ANKH: variants seen among roughly 807,000 people sequenced by gnomAD.
The protein encoded by ANKH is ANKH inorganic pyrophosphate transport regulator.
In ANKH, 15 loss-of-function variants were observed where a neutral mutation model predicts 49.0. That is an observed-to-expected ratio of 0.31 (90% CI 0.20 to 0.47). The LOEUF (loss-of-function observed/expected upper bound fraction) is 0.47. Among genes scored for constraint, ANKH ranks in the 20% least tolerant of loss-of-function variants. The pLI, the probability that ANKH is intolerant of heterozygous loss-of-function variation, is 1.00. For missense variants in ANKH, 429 were observed against 652.0 expected (o/e 0.66, Z 3.72); for synonymous variants, 273 against 260.0 (o/e 1.05, Z -0.48).
chr5:14,839,646 ACTAC>A (rs1741761663), intron 1 of ANKH, among the ~76,000 whole-genome samples: 1 of 152,212 alleles, frequency 6.6e-6, no homozygotes, highest in Non-Finnish European at 1.5e-5. Flanking sequence ...TGAAATCAAG[ACTAC>A]CAAAGCTCAA....
At chr5:14,805,363 C>T (rs1049999756) in intron 1 of ANKH, among the ~76,000 whole-genome samples, 29 of 147,588 alleles carry the variant, frequency 2.0e-4, no homozygotes, top group Non-Finnish European at 9.0e-5. Flanking sequence ...ACTTAATAAA[C>T]TCCCCTATAT....
At chr5:14,858,815 A>C (rs926160905) in intron 1 of ANKH, among the ~76,000 whole-genome samples, 12 of 151,634 alleles carry the variant, frequency 7.9e-5, no homozygotes, top group Non-Finnish European at 1.2e-4. Context: ...CACTAAAATA[A>C]GATACAGATT....
At chr5:14,744,920 C>T (rs952796165) in intron 7 of ANKH, among the ~76,000 whole-genome samples, 1 of 152,168 alleles carries the variant, frequency 6.6e-6, no homozygotes, top group Admixed American at 6.5e-5. Context: ...GAGGTCAGGC[C>T]GGCGGTGGGG....
At chr5:14,793,035 A>AATATATATATATAT (rs1247366121) in intron 1 of ANKH, among the ~76,000 whole-genome samples, 1 of 72,290 alleles carries the variant, frequency 1.4e-5, no homozygotes, top group Non-Finnish European at 2.5e-5. Context: ...TATATATATA[A>AATATATATATATAT]AAATATATAT....
Position 14,768,993 on chromosome 5 carries a change from CG to C in ANKH, c.294del (p.Val99SerfsTer5). ...LCMVVAGAIAAVFHTLIAYSD... is the reference protein window; with the variant it reads ...LCMVVAGAIAXVFHTLIAYSD... ...GCCTCACCTATCAGTGTGTGAAAGACGGCAGCGATGGCCCCTGCCACCACCA... is the reference window on the plus strand; with the variant it reads ...GCCTCACCTATCAGTGTGTGAAAGACGCAGCGATGGCCCCTGCCACCACCA... On this transcript the variant is annotated frameshift_variant, in exon 2 of 12. Coordinates refer to ENST00000284268, the MANE Select transcript of ANKH (RefSeq NM_054027.6). LOFTEE classifies it high-confidence loss of function. 6.2e-7 allele frequency: 1 copy of C among 1,614,218 alleles called. No individual in the cohort carries two copies. The highest frequency in any genetic ancestry group is 8.5e-7 in the Non-Finnish European group (1 of 1,180,024).
intron 1 of ANKH, among the ~76,000 whole-genome samples, chr5:14,819,738 C>T (rs974267763): frequency 6.6e-6 from 1 of 152,010 alleles, no homozygotes; most frequent in African/African-American, 2.4e-5. Context: ...TGGTAGTGTG[C>T]GTCTATAGTC....
At chr5:14,823,336 T>C (rs1188867344) in intron 1 of ANKH, among the ~76,000 whole-genome samples, 1 of 152,208 alleles carries the variant, frequency 6.6e-6, no homozygotes, top group Non-Finnish European at 1.5e-5. Flanking sequence ...TCAGTGTCTC[T>C]ATCTCTCAGA....
At chr5:14,783,618 G>T (rs767324261) in intron 1 of ANKH, among the ~76,000 whole-genome samples, 51 of 152,272 alleles carry the variant, frequency 3.3e-4, no homozygotes, top group Middle Eastern at 6.8e-3. Flanking sequence ...AGTCAACAGT[G>T]TCACTGGTTG....
chr5:14,756,472 G>A lies in ANKH; in HGVS notation c.433-528C>T, dbSNP rs538927182. On this transcript the variant is annotated intron_variant, in intron 3 of 11. Transcript: ENST00000284268. ...GGAAGATGCTACGAGGGGAGCAGACGAAAAGCCCGAGGAACAGCAGGTCTG... is the reference window on the plus strand; with the variant it reads ...GGAAGATGCTACGAGGGGAGCAGACAAAAAGCCCGAGGAACAGCAGGTCTG... Among the ~76,000 whole-genome samples, 15 of 152,334 alleles carry A rather than the reference G, an allele frequency of 9.8e-5. No individual in the cohort carries two copies. In the South Asian group the frequency reaches 1.7e-3, roughly 17 times the overall value.
At chr5:14,727,052 A>C (rs1580009703) in intron 8 of ANKH, among the ~76,000 whole-genome samples, 1 of 152,246 alleles carries the variant, frequency 6.6e-6, no homozygotes, top group East Asian at 1.9e-4. Context: ...CAGTGGGGAC[A>C]CGGGAAGGAG....
chr5:14,713,680 G>A lies in ANKH; in HGVS notation c.1142-13C>T, dbSNP rs766529527. The A allele has an allele frequency of 1.9e-6, 3 of 1,613,526 alleles. No homozygotes were observed. Among genetic ancestry groups the A allele is most frequent in the East Asian group, 2.2e-5 (1 of 44,872 alleles). On this transcript the variant is annotated splice_polypyrimidine_tract_variant and intron_variant, in intron 9 of 11. Coordinates refer to ENST00000284268, the MANE Select transcript of ANKH (RefSeq NM_054027.6). The surrounding 1 kb of genome is among the most constrained non-coding windows in gnomAD (Gnocchi z 4.4). ...GCCCTCACTGTGACTGTTGGGAGGA[G>A]CAAAGGACTCGTCAGCCGTGCCCGC... is the stretch of plus-strand genomic sequence containing the variant.
At chr5:14,801,219 G>A (rs936579693) in intron 1 of ANKH, among the ~76,000 whole-genome samples, 1 of 152,182 alleles carries the variant, frequency 6.6e-6, no homozygotes. Flanking sequence ...GATTGTTTTA[G>A]TTGTCTCTTA....
rs1245401982 is a variant in ANKH at position 14,707,416 on chromosome 5, A to C, written c.*3781T>G. The C allele has an allele frequency of 1.3e-5, 2 of 152,192 alleles. No homozygotes were observed. The highest frequency in any genetic ancestry group is 1.3e-4 in the Admixed American group (2 of 15,266). 9.4% of individuals were successfully genotyped at this position (152,192 alleles called of 1,614,324 possible). ...CCAGAAGATCCCCAAATGGGGAACA[A>C]GTAAGAGAGCAGAGAGCTGTTAACA... On this transcript the variant is annotated 3_prime_UTR_variant, in exon 12 of 12. Transcript: ENST00000284268.
chr5:14,781,384 A>G (rs1739800751), intron 1 of ANKH, among the ~76,000 whole-genome samples: 1 of 152,192 alleles, frequency 6.6e-6, no homozygotes, highest in African/African-American at 2.4e-5. Flanking sequence ...ACCCCAAGAC[A>G]ACATTGGGCA....
rs181723044 is a variant in ANKH, at chr5:14,857,143, C to G, written c.96+14209G>C. On this transcript the variant is annotated intron_variant, in intron 1 of 11. Coordinates refer to ENST00000284268, the MANE Select transcript of ANKH (RefSeq NM_054027.6). ...CAGTACATATCGGGTCCAAAAGGTA[C>G]CAGGCATTTTGCCTGGTACCTCCAA... 5.3e-5 allele frequency among the ~76,000 whole-genome samples: 8 copies of G among 152,124 alleles called. No homozygotes were observed. In the East Asian group the frequency reaches 1.5e-3, roughly 29 times the overall value.
chr5:14,716,679 T>G, intron 9 of ANKH, 27 bp downstream of exon 9: 1 of 1,613,464 alleles, frequency 6.2e-7, no homozygotes, highest in East Asian at 2.2e-5. Flanking sequence ...TAAACAGGAA[T>G]GCTTCCTTCA....
At chr5:14,714,500 G>A (rs919044148) in intron 9 of ANKH, among the ~76,000 whole-genome samples, 3 of 152,226 alleles carry the variant, frequency 2.0e-5, no homozygotes, top group Admixed American at 1.3e-4. Flanking sequence ...AGGGCTCTTG[G>A]AGGAGGAAGT....
intron 1 of ANKH, among the ~76,000 whole-genome samples, chr5:14,829,029 C>A (rs889610421): frequency 1.1e-4 from 17 of 151,954 alleles, no homozygotes; most frequent in Admixed American, 3.9e-4. Flanking sequence ...ATTAAAAATA[C>A]AAAAATTAGC....
chr5:14,713,801 A>G lies in ANKH; in HGVS notation c.1142-134T>C. 7.7e-7 allele frequency: 1 copy of G among 1,295,038 alleles called. No homozygotes were observed. The highest frequency in any genetic ancestry group is 1.2e-5 in the South Asian group (1 of 83,336). The allele number at this position is 1,295,038 out of a possible 1,614,324, so 80.2% of individuals were successfully genotyped here. A position where few individuals can be genotyped will look rare whatever the true frequency, so the allele number is the denominator to read the frequency against. On this transcript the variant is annotated intron_variant, in intron 9 of 11. Transcript: ENST00000284268. This position sits in a 1 kb window ranked among gnomAD's most constrained non-coding sequence, Gnocchi z 4.4. ...TGGCCTTGCTGTTGAGCCGCTGGCCACCTCATCTTCCTGCCAGGGTTCCCC... is the reference window on the plus strand; with the variant it reads ...TGGCCTTGCTGTTGAGCCGCTGGCCGCCTCATCTTCCTGCCAGGGTTCCCC...
Sources: gnomAD v4.1 joint callset for allele counts (sites outside exome capture counted in the v4.1 genomes callset) on GRCh38, gnomAD v4.1.1 for gene constraint, Gnocchi (gnomAD v3.1) non-coding constraint, MANE v1.5 for transcripts, NCBI Gene and HGNC (gene_info 2026-07-23, HGNC 2026-07-21) for gene names.